MAN1A2: variants seen among roughly 807,000 people sequenced by gnomAD.
The protein encoded by MAN1A2 is mannosyl-oligosaccharide 1,2-alpha-mannosidase IB.
Under a neutral mutation model 75.7 loss-of-function variants are expected in MAN1A2, and 26 were observed. That is an observed-to-expected ratio of 0.34 (90% confidence interval 0.25 to 0.48). The LOEUF (loss-of-function observed/expected upper bound fraction) is 0.48. Ranked by LOEUF, MAN1A2 falls within the 20% of genes least tolerant of loss-of-function variation. The pLI, the probability that MAN1A2 is intolerant of heterozygous loss-of-function variation, is 0.99. For synonymous variants in MAN1A2, 247 were observed against 264.6 expected, an observed-to-expected ratio of 0.93 and a Z score of 0.65; for missense variants, 562 against 775.5, an observed-to-expected ratio of 0.72 and a Z score of 3.27.
At chr1:117,379,439 A>C (rs1653259726) in intron 1 of MAN1A2, among the ~76,000 whole-genome samples, 1 of 152,158 alleles carries the variant, frequency 6.6e-6, no homozygotes, top group South Asian at 2.1e-4. Context: ...TTTGCTCTTA[A>C]TTCTAAGCTC....
At chr1:117,368,534 A>T (rs1427557672) in intron 1 of MAN1A2, 49 bp downstream of exon 1, 1 of 1,478,984 alleles carries the variant, frequency 6.8e-7, no homozygotes, top group East Asian at 2.3e-5. Flanking sequence ...AGAGCAAGGT[A>T]CGGTGATTGG....
intron 11 of MAN1A2, 91 bp from the exon 12 acceptor site, chr1:117,502,764 T>C: frequency 2.9e-6 from 2 of 681,318 alleles, no homozygotes; most frequent in Non-Finnish European, 2.6e-6. Context: ...CAAATCTTTA[T>C]GAGCTTTTGA....
intron 1 of MAN1A2, among the ~76,000 whole-genome samples, chr1:117,375,095 T>C (rs1437560916): frequency 6.6e-6 from 1 of 152,136 alleles, no homozygotes; most frequent in Admixed American, 6.5e-5. Flanking sequence ...ATTTACAAAA[T>C]TGTTTTCAGG....
intron 2 of MAN1A2, among the ~76,000 whole-genome samples, chr1:117,404,588 G>C (rs1274581328): frequency 2.0e-5 from 3 of 152,082 alleles, no homozygotes; most frequent in African/African-American, 7.2e-5. Context: ...ATATTACATA[G>C]ACCATCAGAT....
At chr1:117,414,661 C>A in intron 3 of MAN1A2, 52 bp from the exon 4 acceptor site, 1 of 869,484 alleles carries the variant, frequency 1.2e-6, no homozygotes, top group Non-Finnish European at 1.9e-6. Flanking sequence ...CCAAAGAGAA[C>A]AGGAACCTAA....
chr1:117,524,103 TG>T lies in MAN1A2; in HGVS notation c.*1147del, dbSNP rs1383802579. 10 of 152,320 alleles carry T rather than the reference TG, an allele frequency of 6.6e-5. No individual in the cohort carries two copies. Among genetic ancestry groups the T allele is most frequent in the Admixed American group, 2.0e-4 (3 of 15,204 alleles). 9.4% of individuals were successfully genotyped at this position (152,320 alleles called of 1,614,324 possible). A position where few individuals can be genotyped will look rare whatever the true frequency, so the allele number is the denominator to read the frequency against. ...GAGTGAGTTGTTCACAGATATTTTA[TG>T]TTTTTTTAATTTTCTCCAAGAATAT... On this transcript the variant is annotated 3_prime_UTR_variant, in exon 13 of 13. Transcript: ENST00000356554.
At chr1:117,476,062 T>A (rs1288199812) in intron 8 of MAN1A2, among the ~76,000 whole-genome samples, 2 of 152,202 alleles carry the variant, frequency 1.3e-5, no homozygotes, top group African/African-American at 2.4e-5. Flanking sequence ...TCTTTCTAAC[T>A]GGTGTGAGAT....
intron 5 of MAN1A2, among the ~76,000 whole-genome samples, chr1:117,427,231 G>A (rs1648405199): frequency 6.6e-6 from 1 of 152,020 alleles, no homozygotes; most frequent in Non-Finnish European, 1.5e-5. Context: ...TAGTTGACAA[G>A]GATGTTAAAG....
rs1652036320 is a variant in MAN1A2 at position 117,526,868 on chromosome 1, C to CTATA, written c.*3912_*3913insATAT. On this transcript the variant is annotated 3_prime_UTR_variant, in exon 13 of 13. Transcript: ENST00000356554. Reference sequence around the variant, plus strand: ...TCTCTCTCTCTCTCTCTCTCTCTCTCTCTCTCTCTCTCTATATATATATAT... The same window carrying CTATA: ...TCTCTCTCTCTCTCTCTCTCTCTCTCTATATCTCTCTCTCTCTATATATATATAT... 2.1e-5 allele frequency: 2 copies of CTATA among 94,268 alleles called. No homozygotes were observed. The highest frequency in any genetic ancestry group is 8.3e-5 in the African/African-American group (2 of 24,064). 5.8% of individuals were successfully genotyped at this position (94,268 alleles called of 1,614,324 possible). A position where few individuals can be genotyped will look rare whatever the true frequency, so the allele number is the denominator to read the frequency against.
Position 117,505,358 on chromosome 1 carries a change from C to T in MAN1A2, c.1793+2388C>T, listed in dbSNP as rs1176830704. On this transcript the variant is annotated intron_variant, in intron 12 of 12. Transcript: ENST00000356554. ...GAAATAGATGGTATGCTGCCTCATCCCCTTCTAGTACCTATATGGAATATC... is the reference window on the plus strand; with the variant it reads ...GAAATAGATGGTATGCTGCCTCATCTCCTTCTAGTACCTATATGGAATATC... Among the ~76,000 whole-genome samples, 6 of 151,166 alleles carry T rather than the reference C, an allele frequency of 4.0e-5. No individual in the cohort carries two copies. The Admixed American group carries it at 4.0e-4, about 10-fold the overall frequency.
chr1:117,475,236 A>C (rs1650279880), intron 8 of MAN1A2, among the ~76,000 whole-genome samples: 1 of 151,974 alleles, frequency 6.6e-6, no homozygotes, highest in Admixed American at 6.6e-5. Flanking sequence ...TTTTTTAAGG[A>C]ACTACCAAGT....
At chr1:117,390,380 T>G (rs975066551) in intron 1 of MAN1A2, among the ~76,000 whole-genome samples, 3 of 151,758 alleles carry the variant, frequency 2.0e-5, no homozygotes, top group Non-Finnish European at 4.4e-5. Context: ...AAACAAGGAA[T>G]GTAAATTATT....
chr1:117,374,995 C>T (rs903660282), intron 1 of MAN1A2, among the ~76,000 whole-genome samples: 1 of 151,970 alleles, frequency 6.6e-6, no homozygotes, highest in African/African-American at 2.4e-5. Context: ...TGAAAATGAA[C>T]GAAATGACTT....
intron 4 of MAN1A2, among the ~76,000 whole-genome samples, chr1:117,418,100 T>C (rs1277303207): frequency 6.6e-6 from 1 of 152,132 alleles, no homozygotes; most frequent in African/African-American, 2.4e-5. Flanking sequence ...CCTTTTGTTT[T>C]ATGTGTCATT....
Position 117,526,880 on chromosome 1 carries a change from CTATATATATATATATATATA to C in MAN1A2, c.*3933_*3952del, listed in dbSNP as rs59022844. 1.8e-5 allele frequency: 1 copy of C among 54,522 alleles called. No homozygotes were observed. The highest frequency in any genetic ancestry group is 2.4e-4 in the Admixed American group (1 of 4,172). 3.4% of individuals were successfully genotyped at this position (54,522 alleles called of 1,614,324 possible). A position where few individuals can be genotyped will look rare whatever the true frequency, so the allele number is the denominator to read the frequency against. On this transcript the variant is annotated 3_prime_UTR_variant, in exon 13 of 13. Coordinates refer to ENST00000356554, the MANE Select transcript of MAN1A2 (RefSeq NM_006699.5). Reference sequence around the variant, plus strand: ...TCTCTCTCTCTCTCTCTCTCTCTCTCTATATATATATATATATATATATATATATGAGAGATATATGAGAT... The same window carrying C: ...TCTCTCTCTCTCTCTCTCTCTCTCTCTATATATATGAGAGATATATGAGAT...
At chr1:117,493,346 AT>A in intron 9 of MAN1A2, 84 bp downstream of exon 9, 1 of 740,958 alleles carries the variant, frequency 1.3e-6, no homozygotes. Flanking sequence ...TCTTATAACC[AT>A]TTTATTATAG....
At chr1:117,415,006 CCT>C (rs1350629832) in intron 4 of MAN1A2, among the ~76,000 whole-genome samples, 175 bp downstream of exon 4, 4 of 151,936 alleles carry the variant, frequency 2.6e-5, no homozygotes, top group Non-Finnish European at 5.9e-5. Context: ...TGAGGGTTGA[CCT>C]CTCATGAATG....
At chr1:117,464,926 T>C (rs181602624) in intron 7 of MAN1A2, among the ~76,000 whole-genome samples, 1 of 152,138 alleles carries the variant, frequency 6.6e-6, no homozygotes, top group Non-Finnish European at 1.5e-5. Context: ...TATACAAAGA[T>C]ATTACCAGAA....
At chr1:117,445,866 G>GTATATATATATATATATATATATATA (rs1255167664) in intron 6 of MAN1A2, among the ~76,000 whole-genome samples, 1 of 120,160 alleles carries the variant, frequency 8.3e-6, no homozygotes, top group Non-Finnish European at 1.8e-5. Context: ...GTGTATGTGT[G>GTATATATATATATATATATATATATA]TGTGTGTCTG....
Sources: allele counts gnomAD v4.1 joint callset (sites outside exome capture counted in the v4.1 genomes callset), GRCh38; gene constraint gnomAD v4.1.1; transcripts MANE v1.5; gene names NCBI Gene and HGNC (gene_info 2026-07-23, HGNC 2026-07-21).